CDK13: variants seen among roughly 807,000 people sequenced by gnomAD.
The protein encoded by CDK13 is cyclin-dependent kinase 13.
A neutral mutation model predicts 137.6 loss-of-function variants in CDK13; 40 were observed. The observed-to-expected ratio is 0.29, with a 90% confidence interval of 0.23 to 0.38. The LOEUF (loss-of-function observed/expected upper bound fraction) is 0.38, where lower values mean the gene tolerates loss of function less well. CDK13 is among the 10% of genes least tolerant of loss of function. CDK13 has a pLI of 1.00. For synonymous variants in CDK13, 869 were observed against 760.1 expected (o/e 1.14, Z -2.36); for missense variants, 1,704 against 1,951.8 (o/e 0.87, Z 2.39).
intron 5 of CDK13, among the ~76,000 whole-genome samples, chr7:40,002,437 A>G (rs1784702207): frequency 6.6e-6 from 1 of 152,130 alleles, no homozygotes; most frequent in Admixed American, 6.5e-5. Context: ...GTGGAGGCAA[A>G]AATCATACTT....
At chr7:40,069,958 T>TA (rs1439883856) in intron 9 of CDK13, 1 of 148,114 alleles carries the variant, frequency 6.8e-6, no homozygotes, top group African/African-American at 2.5e-5. Context: ...CTCATGCCTG[T>TA]AATCCTAGCA....
intron 5 of CDK13, among the ~76,000 whole-genome samples, chr7:40,040,218 G>A (rs1206907441): frequency 6.6e-6 from 1 of 152,090 alleles, no homozygotes; most frequent in South Asian, 2.1e-4. Flanking sequence ...TTTTATGCTG[G>A]TGTATAGTGT....
At chr7:39,981,241 G>A (rs562168987) in intron 1 of CDK13, among the ~76,000 whole-genome samples, 3 of 151,898 alleles carry the variant, frequency 2.0e-5, no homozygotes, top group East Asian at 1.9e-4. Context: ...GGTGGTGCGC[G>A]CCTGTAGTCC....
At chr7:39,962,573 T>G (rs147039181) in intron 1 of CDK13, among the ~76,000 whole-genome samples, 1,883 of 152,326 alleles carry the variant, frequency 0.012, 18 homozygotes, top group Non-Finnish European at 0.017. Context: ...TTTCTCCCAT[T>G]TTGTAGGTTG....
intron 2 of CDK13, among the ~76,000 whole-genome samples, chr7:39,989,033 G>A (rs1377420254): frequency 7.7e-6 from 1 of 129,652 alleles, no homozygotes; most frequent in African/African-American, 2.8e-5. Flanking sequence ...GCAGTGAGCC[G>A]AGATTGCGCC....
intron 11 of CDK13, among the ~76,000 whole-genome samples, chr7:40,084,876 A>AG (rs1221797717): frequency 6.6e-6 from 1 of 152,216 alleles, no homozygotes; most frequent in Admixed American, 6.5e-5. Context: ...TATTTGCCTA[A>AG]GACACATCAA....
Position 39,988,101 on chromosome 7 carries a change from G to T in CDK13, c.1714G>T (p.Ala572Ser), listed in dbSNP as rs1784379408. Residue 572 changes from alanine (A) to serine (S), a missense_variant, in exon 2 of 14, where the codon GCT (alanine) becomes TCT (serine). This residue lies in a region of CDK13 where 1,051 missense variants were observed against 931.0 expected (regional missense o/e 1.13). Coordinates refer to ENST00000181839, the MANE Select transcript of CDK13 (RefSeq NM_003718.5). ...AGTTGGAAAGGAGAGTAAATCTGCT[G>T]CTACAAAGGAGGAATCAGTATCTCT... ...VIVGKESKSA[A>S]TKEESVSLKE... is the part of the protein sequence containing the mutation. 9 of 1,614,014 alleles carry T rather than the reference G, an allele frequency of 5.6e-6. No individual in the cohort carries two copies. Among genetic ancestry groups the T allele is most frequent in the Non-Finnish European group, 7.6e-6 (9 of 1,179,982 alleles).
At chr7:39,963,838 G>A (rs1356385834) in intron 1 of CDK13, among the ~76,000 whole-genome samples, 4 of 152,092 alleles carry the variant, frequency 2.6e-5, no homozygotes, top group Non-Finnish European at 5.9e-5. Flanking sequence ...AAGCATTGTT[G>A]AATTTTGTCA....
chr7:39,981,623 T>G (rs1210442513), intron 1 of CDK13, among the ~76,000 whole-genome samples: 6 of 152,140 alleles, frequency 3.9e-5, no homozygotes, highest in African/African-American at 1.4e-4. Context: ...TGGAATTTAT[T>G]AGCAAATCAC....
intron 5 of CDK13, among the ~76,000 whole-genome samples, chr7:40,016,045 A>G (rs2116381441): frequency 6.6e-6 from 1 of 152,356 alleles, no homozygotes; most frequent in Admixed American, 6.5e-5. Flanking sequence ...CAACAAGAAC[A>G]GATAGAATTC....
chr7:39,955,961 T>C (rs113989572), intron 1 of CDK13, among the ~76,000 whole-genome samples: 14 of 151,762 alleles, frequency 9.2e-5, no homozygotes, highest in African/African-American at 3.1e-4. Context: ...AACCTAAGAA[T>C]CTGAAAAAGA....
chr7:40,062,633 T>TA, intron 7 of CDK13, 193 bp from the exon 8 acceptor site: 1 of 566,074 alleles, frequency 1.8e-6, no homozygotes, highest in Non-Finnish European at 3.1e-6. Flanking sequence ...AATTTTTAGT[T>TA]AAACAGGTTG....
intron 9 of CDK13, among the ~76,000 whole-genome samples, chr7:40,063,516 T>C (rs751168303): frequency 6.6e-6 from 1 of 152,210 alleles, no homozygotes; most frequent in Non-Finnish European, 1.5e-5. Flanking sequence ...AATATGTGTC[T>C]ATATATGTGT....
Position 39,960,905 on chromosome 7 carries a change from A to G in CDK13, c.1211+9053A>G, listed in dbSNP as rs375650212. Among the ~76,000 whole-genome samples, 115 of 152,238 alleles carry G rather than the reference A, an allele frequency of 7.6e-4. 1 individual carries two copies. The South Asian group carries it at 0.022, about 30-fold the overall frequency. On this transcript the variant is annotated intron_variant, in intron 1 of 13. Coordinates refer to ENST00000181839, the MANE Select transcript of CDK13 (RefSeq NM_003718.5). ...ATTTTTTATTGACAAATAATTGTATATGTTTATGTGTGTGATGTTTTGGTG... is the reference window on the plus strand; with the variant it reads ...ATTTTTTATTGACAAATAATTGTATGTGTTTATGTGTGTGATGTTTTGGTG...
At chr7:39,953,799 C>T (rs1283832838) in intron 1 of CDK13, among the ~76,000 whole-genome samples, 1 of 152,058 alleles carries the variant, frequency 6.6e-6, no homozygotes, top group African/African-American at 2.4e-5. Flanking sequence ...TGACAGATGG[C>T]CATTTGGTAT....
intron 1 of CDK13, among the ~76,000 whole-genome samples, chr7:39,969,645 G>A (rs1385520547): frequency 6.6e-6 from 1 of 152,052 alleles, no homozygotes; most frequent in Non-Finnish European, 1.5e-5. Context: ...TGGGATTCCA[G>A]ATGCCTCACC....
intron 7 of CDK13, among the ~76,000 whole-genome samples, chr7:40,056,166 TTC>T (rs1786016808): frequency 1.3e-5 from 2 of 152,192 alleles, no homozygotes; most frequent in African/African-American, 4.8e-5. Context: ...GATTAAATAC[TTC>T]TGTCTGCACA....
chr7:39,998,600 G>A (rs1352830782), intron 3 of CDK13: 1 of 151,804 alleles, frequency 6.6e-6, no homozygotes, highest in Non-Finnish European at 1.5e-5. Context: ...CAGCCTGGGC[G>A]ACAAGGCAAG....
At chr7:40,016,741 G>T (rs1366267524) in intron 5 of CDK13, among the ~76,000 whole-genome samples, 2 of 151,944 alleles carry the variant, frequency 1.3e-5, no homozygotes, top group East Asian at 3.8e-4. Flanking sequence ...TCTGGTAAAT[G>T]TAAGAAAAAA....
Sources: gnomAD v4.1 joint callset for allele counts (sites outside exome capture counted in the v4.1 genomes callset) on GRCh38, gnomAD v4.1.1 for gene constraint, gnomAD v4.1.1 regional missense constraint, MANE v1.5 for transcripts, NCBI Gene and HGNC (gene_info 2026-07-23, HGNC 2026-07-21) for gene names.